The following KCNQ5 variants were observed in gnomAD, a reference collection of about 807,000 sequenced individuals.
KCNQ5 encodes potassium voltage-gated channel subfamily Q member 5.
Under a neutral mutation model 98.2 loss-of-function variants are expected in KCNQ5, and 30 were observed. That is an observed-to-expected ratio of 0.31 (90% CI 0.23 to 0.41). The LOEUF (loss-of-function observed/expected upper bound fraction) is 0.41. Among genes scored for constraint, KCNQ5 ranks in the 10% least tolerant of loss-of-function variants. KCNQ5 has a pLI of 1.00. For missense variants in KCNQ5, 835 were observed against 1,182.5 expected (o/e 0.71, Z 4.31); for synonymous variants, 458 against 449.4 (o/e 1.02, Z -0.24).
chr6:72,661,997 C>T (rs894082488), intron 1 of KCNQ5, among the ~76,000 whole-genome samples: 4 of 152,120 alleles, frequency 2.6e-5, no homozygotes, highest in African/African-American at 9.7e-5. Context: ...CTCATGCTTT[C>T]CCATACAACC....
chr6:72,970,209 T>C (rs2150282580), intron 1 of KCNQ5, among the ~76,000 whole-genome samples: 1 of 152,250 alleles, frequency 6.6e-6, no homozygotes, highest in Admixed American at 6.5e-5. Context: ...CAGTGAGCTG[T>C]AATCACACCA....
intron 1 of KCNQ5, among the ~76,000 whole-genome samples, chr6:72,942,999 A>C (rs1210240881): frequency 1.3e-5 from 2 of 152,212 alleles, no homozygotes; most frequent in African/African-American, 4.8e-5. Flanking sequence ...AAATTAAATA[A>C]TCGATTTTTT....
chr6:73,190,703 C>T lies in KCNQ5; in HGVS notation c.1708C>T (p.Arg570Cys), dbSNP rs746729094. ...GTGTAGAATTAAAAGCCTTCAAACA[C>T]GGTAAGCAATGGAAATGTCATTCCT... ...MLCRIKSLQTRVDQILGKGQI... is the reference protein window; with the variant it reads ...MLCRIKSLQTCVDQILGKGQI... The change falls in exon 12 of 14, where the codon CGT (arginine) becomes TGT (cysteine). Residue 570 changes from arginine (R) to cysteine (C), a missense_variant and splice_region_variant. Arg to Cys is a radical substitution (Grantham distance 180). This residue lies in a region of KCNQ5 where 416 missense variants were observed against 446.9 expected (regional missense o/e 0.93). Transcript: ENST00000370398. 2.6e-6 allele frequency: 4 copies of T among 1,540,908 alleles called. No individual in the cohort carries two copies. Among genetic ancestry groups the T allele is most frequent in the Middle Eastern group, 1.7e-4 (1 of 5,830 alleles).
At chr6:73,088,005 C>CTT (rs1266816283) in intron 5 of KCNQ5, among the ~76,000 whole-genome samples, 5 of 138,462 alleles carry the variant, frequency 3.6e-5, no homozygotes, top group South Asian at 2.5e-4. Context: ...TCCTTGTTTT[C>CTT]TTTTTCTCTC....
At chr6:73,046,996 T>C (rs1195233962) in intron 3 of KCNQ5, among the ~76,000 whole-genome samples, 1 of 152,160 alleles carries the variant, frequency 6.6e-6, no homozygotes, top group Non-Finnish European at 1.5e-5. Flanking sequence ...GAAGACTTTA[T>C]AGATGAGGAA....
intron 1 of KCNQ5, among the ~76,000 whole-genome samples, chr6:72,881,489 C>A (rs953370549): frequency 6.6e-6 from 1 of 152,072 alleles, no homozygotes; most frequent in Admixed American, 6.6e-5. Context: ...TTATTGCACA[C>A]CAATCATGTG....
intron 10 of KCNQ5, among the ~76,000 whole-genome samples, chr6:73,163,237 A>AAAAAAT (rs60667529): frequency 0.6 from 90,800 of 150,598 alleles, 28,042 homozygotes; most frequent in African/African-American, 0.72. Flanking sequence ...GCAAAGAATT[A>AAAAAAT]AAAAATAAAA....
At chr6:72,945,718 G>T (rs1459282862) in intron 1 of KCNQ5, among the ~76,000 whole-genome samples, 6 of 152,162 alleles carry the variant, frequency 3.9e-5, no homozygotes, top group Middle Eastern at 3.4e-3. Context: ...GCCTCCCAAA[G>T]TGCTGGGATT....
chr6:72,858,593 T>C (rs2350089), intron 1 of KCNQ5, among the ~76,000 whole-genome samples: 27,909 of 151,810 alleles, frequency 0.18, 3,192 homozygotes, highest in East Asian at 0.37. Context: ...ATTTATATTT[T>C]CAGTTTAGTA....
intron 11 of KCNQ5, among the ~76,000 whole-genome samples, chr6:73,185,660 G>C (rs1357001308): frequency 1.3e-5 from 2 of 152,222 alleles, no homozygotes; most frequent in Non-Finnish European, 2.9e-5. Flanking sequence ...GATGAGGCAA[G>C]AGAGATAGAG....
At chr6:73,037,838 T>C (rs1189539083) in intron 2 of KCNQ5, among the ~76,000 whole-genome samples, 1 of 152,244 alleles carries the variant, frequency 6.6e-6, no homozygotes, top group African/African-American at 2.4e-5. Flanking sequence ...TTTGTCAGCA[T>C]TGTTTTAGCT....
chr6:73,022,479 C>T lies in KCNQ5; in HGVS notation c.489+18481C>T, dbSNP rs118007934. Among the ~76,000 whole-genome samples the T allele has an allele frequency of 8.5e-3, 1,287 of 152,176 alleles. 53 individuals carry two copies. In the East Asian group the frequency reaches 0.092, roughly 11 times the overall value. ...CAACACAGTAAGTCCTCATCTAGCA[C>T]ATGCCTATAGTCCTAGCTACTCAGA... is the stretch of plus-strand genomic sequence containing the variant. On this transcript the variant is annotated intron_variant, in intron 2 of 13. Coordinates refer to ENST00000370398, the MANE Select transcript of KCNQ5 (RefSeq NM_019842.4).
intron 1 of KCNQ5, among the ~76,000 whole-genome samples, chr6:73,000,654 C>G (rs747814455): frequency 6.6e-6 from 1 of 152,164 alleles, no homozygotes; most frequent in Non-Finnish European, 1.5e-5. Context: ...ACCCGCTTCC[C>G]AGACTCCACT....
intron 1 of KCNQ5, among the ~76,000 whole-genome samples, chr6:72,658,594 T>G (rs1766337644): frequency 7.5e-6 from 1 of 133,106 alleles, no homozygotes; most frequent in African/African-American, 3.0e-5. Context: ...TTTTTTTTTT[T>G]TTTTGAGACA....
At position 73,157,537 on chromosome 6, in the gene KCNQ5, T is replaced by G. The variant is rs535104329; in HGVS notation, c.1469-12209T>G. On this transcript the variant is annotated intron_variant, in intron 10 of 13. Transcript: ENST00000370398. ...AAGAACTAACAGAACTGACGATACT[T>G]CCATCCTTGCTGGGTGGTGTCAGAG... 291 of 737,488 alleles carry G rather than the reference T, an allele frequency of 3.9e-4. 3 individuals are homozygous for G. In the South Asian group the frequency reaches 4.1e-3, roughly 10 times the overall value. The allele number at this position is 737,488 out of a possible 1,614,324, so 45.7% of individuals were successfully genotyped here.
intron 10 of KCNQ5, chr6:73,157,980 T>G (rs988455899): frequency 6.6e-6 from 5 of 756,550 alleles, no homozygotes; most frequent in Non-Finnish European, 9.8e-6. Context: ...TTCATACCCC[T>G]TGAACGGCCG....
intron 2 of KCNQ5, among the ~76,000 whole-genome samples, chr6:73,034,975 A>G (rs1771337362): frequency 6.6e-6 from 1 of 151,218 alleles, no homozygotes; most frequent in African/African-American, 2.4e-5. Flanking sequence ...CCTCCTGAGT[A>G]GCTGGGACTA....
At chr6:72,750,709 G>A (rs947948216) in intron 1 of KCNQ5, among the ~76,000 whole-genome samples, 1 of 152,042 alleles carries the variant, frequency 6.6e-6, no homozygotes, top group African/African-American at 2.4e-5. Context: ...AAAATGCTTT[G>A]AATAATTAAA....
At chr6:72,933,439 A>T (rs1582041301) in intron 1 of KCNQ5, among the ~76,000 whole-genome samples, 1 of 152,172 alleles carries the variant, frequency 6.6e-6, no homozygotes, top group South Asian at 2.1e-4. Flanking sequence ...GGTGGAGGGG[A>T]TGAGGGAGGT....
Sources: allele counts gnomAD v4.1 joint callset (sites outside exome capture counted in the v4.1 genomes callset), GRCh38; gene constraint gnomAD v4.1.1; regional missense constraint gnomAD v4.1.1; transcripts MANE v1.5; gene names NCBI Gene and HGNC (gene_info 2026-07-23, HGNC 2026-07-21).